LRCH2: variants seen among roughly 807,000 people sequenced by gnomAD.
The protein encoded by LRCH2 is leucine rich repeats and calponin homology domain containing 2.
A neutral mutation model predicts 68.9 loss-of-function variants in LRCH2; 38 were observed. That is an observed-to-expected ratio of 0.55 (90% CI 0.43 to 0.72). The LOEUF (loss-of-function observed/expected upper bound fraction) is 0.72, where lower values mean the gene tolerates loss of function less well. Among genes scored for constraint, LRCH2 ranks in the 30% least tolerant of loss-of-function variants. LRCH2 has a pLI of 0.00. For missense variants in LRCH2, 528 were observed against 572.9 expected, an observed-to-expected ratio of 0.92 and a Z score of 0.80; for synonymous variants, 191 against 208.1, an observed-to-expected ratio of 0.92 and a Z score of 0.71.
intron 1 of LRCH2, among the ~76,000 whole-genome samples, chrX:115,229,925 A>C (rs1025110875): frequency 3.6e-5 from 4 of 112,042 alleles, no homozygotes; most frequent in African/African-American, 1.3e-4. Flanking sequence ...ACACGGCAGA[A>C]TCTGATGTAA....
rs181810223 is a variant in LRCH2, at chrX:115,127,239, C to T, written c.1741-346G>A. ...CCAATCTGAGACATGTAAATGAAGGCATGCAAAATCTCCATCACCCCAAAT... is the reference window on the plus strand; with the variant it reads ...CCAATCTGAGACATGTAAATGAAGGTATGCAAAATCTCCATCACCCCAAAT... On this transcript the variant is annotated intron_variant, in intron 15 of 20. Coordinates refer to ENST00000317135, the MANE Select transcript of LRCH2 (RefSeq NM_020871.4). Among the ~76,000 whole-genome samples the T allele has an allele frequency of 2.7e-5, 3 of 111,845 alleles. No homozygotes were observed. The Admixed American group carries it at 2.9e-4, about 11-fold the overall frequency.
At position 115,119,957 on chromosome X, in the gene LRCH2, A is replaced by G. The variant is rs78416701; in HGVS notation, c.2178+2570T>C. Among the ~76,000 whole-genome samples the G allele has an allele frequency of 2.3e-3, 261 of 111,339 alleles. 2 individuals are homozygous for G. Among genetic ancestry groups the G allele is most frequent in the African/African-American group, 7.7e-3 (234 of 30,576 alleles). ...TTTAATAAATGGTGCTGGGAAAACT[A>G]GCTAGCCATATGTAGAAAGCTGAAA... On this transcript the variant is annotated intron_variant, in intron 20 of 20. Coordinates refer to ENST00000317135, the MANE Select transcript of LRCH2 (RefSeq NM_020871.4).
chrX:115,217,757 C>G (rs2073051286), intron 1 of LRCH2, among the ~76,000 whole-genome samples: 1 of 111,473 alleles, frequency 9.0e-6, no homozygotes, highest in African/African-American at 3.3e-5. Context: ...AATGGGATTG[C>G]TGGGTCAAAT....
rs782690426 is a variant in LRCH2 at position 115,226,494 on chromosome X, T to A, written c.349+7199A>T. ...ATGGTTTAGCTACAGTGTGGAGGAC[T>A]AACTAATTTAAGTTGAAGAAAACTT... On this transcript the variant is annotated intron_variant, in intron 1 of 20. Transcript: ENST00000317135. 3.4e-3 allele frequency among the ~76,000 whole-genome samples: 383 copies of A among 111,481 alleles called. 14 individuals carry two copies. The highest frequency in any genetic ancestry group is 4.6e-3 in the Middle Eastern group (1 of 217).
rs955336475 is a variant in LRCH2 at position 115,189,321 on chromosome X, C to T, written c.350-951G>A. On this transcript the variant is annotated intron_variant, in intron 1 of 20. Transcript: ENST00000317135. ...TATGACGTAAGGTACTCTTTTCCTT[C>T]TTGAGACATCCACCCCCCCAACCGG... 2.2e-5 allele frequency: 16 copies of T among 725,340 alleles called. No individual in the cohort carries two copies. In the South Asian group the frequency reaches 2.3e-4, roughly 10 times the overall value. The allele number at this position is 725,340 out of a possible 1,213,427, so 59.8% of individuals were successfully genotyped here.
chrX:115,117,061 C>T (rs1363740364), intron 20 of LRCH2, among the ~76,000 whole-genome samples: 1 of 111,148 alleles, frequency 9.0e-6, no homozygotes, highest in East Asian at 2.8e-4. Flanking sequence ...ATCTGAAATT[C>T]AATCATAGGA....
chrX:115,183,043 C>G (rs2072705204), intron 3 of LRCH2, among the ~76,000 whole-genome samples: 1 of 108,767 alleles, frequency 9.2e-6, no homozygotes, highest in Admixed American at 9.9e-5. Flanking sequence ...AGAATTAGGA[C>G]AGTCACGCAT....
intron 10 of LRCH2, among the ~76,000 whole-genome samples, chrX:115,164,662 T>G (rs2072544268): frequency 9.0e-6 from 1 of 111,034 alleles, no homozygotes; most frequent in African/African-American, 3.3e-5. Context: ...GGCTAAGTGG[T>G]TTTAGGCATA....
intron 5 of LRCH2, among the ~76,000 whole-genome samples, chrX:115,175,780 G>A (rs142180807): frequency 1.8e-5 from 2 of 112,210 alleles, no homozygotes; most frequent in Non-Finnish European, 3.8e-5. Flanking sequence ...CTTCTCATAT[G>A]CCTTGTCCTA....
chrX:115,155,440 G>A (rs1359650428), intron 12 of LRCH2, among the ~76,000 whole-genome samples: 1 of 109,951 alleles, frequency 9.1e-6, no homozygotes, highest in Non-Finnish European at 1.9e-5. Context: ...AGAACTTAAA[G>A]TATAATTTAA....
At chrX:115,161,549 TGAA>T (rs1371700220) in intron 11 of LRCH2, among the ~76,000 whole-genome samples, 1 of 111,868 alleles carries the variant, frequency 8.9e-6, no homozygotes, top group Non-Finnish European at 1.9e-5. Flanking sequence ...GCATACATCT[TGAA>T]GAACAGCAGA....
intron 20 of LRCH2, among the ~76,000 whole-genome samples, chrX:115,117,967 A>T (rs1252824037): frequency 2.7e-4 from 27 of 100,696 alleles, no homozygotes; most frequent in African/African-American, 1.3e-3. Context: ...ATTGGAAAAC[A>T]TCCTAAAACA....
At chrX:115,195,645 T>C (rs899059247) in intron 1 of LRCH2, among the ~76,000 whole-genome samples, 1 of 110,981 alleles carries the variant, frequency 9.0e-6, no homozygotes, top group Non-Finnish European at 1.9e-5. Flanking sequence ...ACAGAAAAAG[T>C]GAAAGGAAAC....
At chrX:115,203,606 C>T (rs2072944870) in intron 1 of LRCH2, among the ~76,000 whole-genome samples, 1 of 112,352 alleles carries the variant, frequency 8.9e-6, no homozygotes, top group Non-Finnish European at 1.9e-5. Context: ...AATCAAAGGG[C>T]CTCAGGCCCC....
chrX:115,164,991 A>G (rs2072546617), intron 10 of LRCH2, among the ~76,000 whole-genome samples: 1 of 111,183 alleles, frequency 9.0e-6, no homozygotes. Context: ...AGCATGACCA[A>G]ATGGAAAGTA....
chrX:115,169,265 C>T (rs782014305), intron 6 of LRCH2, among the ~76,000 whole-genome samples: 1 of 111,823 alleles, frequency 8.9e-6, no homozygotes, highest in African/African-American at 3.2e-5. Flanking sequence ...TGACATTCAA[C>T]AAAACATAAC....
intron 1 of LRCH2, among the ~76,000 whole-genome samples, chrX:115,227,120 T>C (rs1423919204): frequency 1.8e-5 from 2 of 109,932 alleles, no homozygotes; most frequent in South Asian, 4.0e-4. Context: ...ACCCCCAAAT[T>C]GTGATAATCA....
At chrX:115,128,251 T>G (rs369410882) in intron 15 of LRCH2, among the ~76,000 whole-genome samples, 2 of 112,106 alleles carry the variant, frequency 1.8e-5, no homozygotes, top group African/African-American at 6.5e-5. Flanking sequence ...AAATGTTTTC[T>G]GTCAAAGGCA....
intron 14 of LRCH2, among the ~76,000 whole-genome samples, chrX:115,139,900 T>C (rs1050212586): frequency 4.5e-5 from 5 of 111,220 alleles, no homozygotes; most frequent in Non-Finnish European, 9.4e-5. Context: ...TCTGGGGTTC[T>C]AGGTAAACTT....
Sources: gnomAD v4.1 joint callset for allele counts (sites outside exome capture counted in the v4.1 genomes callset) on GRCh38, gnomAD v4.1.1 for gene constraint, MANE v1.5 for transcripts, NCBI Gene and HGNC (gene_info 2026-07-23, HGNC 2026-07-21) for gene names.